Variants in MACROD2 observed in about 807,000 individuals in gnomAD.
MACROD2 encodes the protein ADP-ribose glycohydrolase MACROD2.
A neutral mutation model predicts 70.4 loss-of-function variants in MACROD2; 36 were observed. That is an observed-to-expected ratio of 0.51 (90% CI 0.39 to 0.68). The LOEUF (loss-of-function observed/expected upper bound fraction) is 0.68. Ranked by LOEUF, MACROD2 falls within the 30% of genes least tolerant of loss-of-function variation. The pLI, the probability that MACROD2 is intolerant of heterozygous loss-of-function variation, is 0.00. For synonymous variants in MACROD2, 172 were observed against 178.8 expected (o/e 0.96, Z 0.30); for missense variants, 496 against 538.4 (o/e 0.92, Z 0.78).
intron 3 of MACROD2, among the ~76,000 whole-genome samples, chr20:14,193,862 CA>C (rs1214117753): frequency 6.6e-6 from 1 of 151,870 alleles, no homozygotes; most frequent in Non-Finnish European, 1.5e-5. Flanking sequence ...TAGTTGAGGC[CA>C]AATGGAAAAT....
intron 6 of MACROD2, among the ~76,000 whole-genome samples, chr20:15,276,418 A>G (rs1038563684): frequency 9.2e-5 from 14 of 152,032 alleles, no homozygotes; most frequent in Admixed American, 2.6e-4. Flanking sequence ...AAAAAAATAA[A>G]AAAATCTCAT....
intron 8 of MACROD2, among the ~76,000 whole-genome samples, chr20:15,678,339 C>T (rs1360274859): frequency 6.6e-6 from 1 of 151,326 alleles, no homozygotes; most frequent in Non-Finnish European, 1.5e-5. Flanking sequence ...GCACTCCAGC[C>T]TGGACAACAG....
intron 5 of MACROD2, among the ~76,000 whole-genome samples, chr20:14,998,442 C>T (rs2074968064): frequency 6.6e-6 from 1 of 152,016 alleles, no homozygotes; most frequent in Non-Finnish European, 1.5e-5. Flanking sequence ...TTTTGAAAAT[C>T]AAGTAGAAAT....
chr20:15,643,022 G>A (rs1461231249), intron 8 of MACROD2, among the ~76,000 whole-genome samples: 1 of 152,176 alleles, frequency 6.6e-6, no homozygotes, highest in Non-Finnish European at 1.5e-5. Flanking sequence ...CTTTGCTTTA[G>A]CTGGAAAACA....
At chr20:14,525,722 T>C (rs1372076911) in intron 4 of MACROD2, among the ~76,000 whole-genome samples, 1 of 152,226 alleles carries the variant, frequency 6.6e-6, no homozygotes, top group African/African-American at 2.4e-5. Flanking sequence ...CAATGCCATT[T>C]AGGTATGTTA....
intron 8 of MACROD2, among the ~76,000 whole-genome samples, chr20:15,846,186 A>G (rs1001451716): frequency 2.0e-5 from 3 of 152,248 alleles, no homozygotes; most frequent in African/African-American, 7.2e-5. Context: ...GTTGAAGGAA[A>G]CTTTGCAATT....
chr20:15,739,560 G>A (rs925763682), intron 8 of MACROD2, among the ~76,000 whole-genome samples: 1 of 152,080 alleles, frequency 6.6e-6, no homozygotes, highest in African/African-American at 2.4e-5. Flanking sequence ...TATTAGATAA[G>A]TTAGGAGCAC....
chr20:14,499,465 T>C (rs1280363586), intron 4 of MACROD2, among the ~76,000 whole-genome samples: 1 of 151,840 alleles, frequency 6.6e-6, no homozygotes, highest in Non-Finnish European at 1.5e-5. Context: ...CTCTGGACGT[T>C]GAGGCTGCAG....
At chr20:14,153,163 G>C (rs2055048991) in intron 3 of MACROD2, among the ~76,000 whole-genome samples, 1 of 152,130 alleles carries the variant, frequency 6.6e-6, no homozygotes, top group Non-Finnish European at 1.5e-5. Context: ...TGTTTGAGAA[G>C]AAAGTTCTAA....
intron 8 of MACROD2, among the ~76,000 whole-genome samples, chr20:15,639,290 A>G (rs1435243112): frequency 4.6e-5 from 7 of 152,236 alleles, no homozygotes; most frequent in Non-Finnish European, 7.3e-5. Context: ...AGGGAGGGTT[A>G]GAGACAGATT....
intron 6 of MACROD2, among the ~76,000 whole-genome samples, chr20:15,362,923 TGAGAG>T (rs903538903): frequency 2.4e-5 from 3 of 126,284 alleles, no homozygotes; most frequent in Non-Finnish European, 3.2e-5. Flanking sequence ...GGAAAGGAAA[TGAGAG>T]AAGAGAAGAG....
intron 3 of MACROD2, among the ~76,000 whole-genome samples, chr20:14,221,452 T>A (rs2081673379): frequency 6.6e-6 from 1 of 152,106 alleles, no homozygotes. Context: ...TGAAACTGGA[T>A]CCCTATCTCT....
chr20:14,232,412 A>G (rs796252063), intron 3 of MACROD2, among the ~76,000 whole-genome samples: 17 of 152,344 alleles, frequency 1.1e-4, no homozygotes, highest in African/African-American at 4.1e-4. Context: ...TGTTTTGCCT[A>G]CACAGGAAAT....
chr20:14,468,720 C>T (rs1050193605), intron 3 of MACROD2, among the ~76,000 whole-genome samples: 2 of 152,054 alleles, frequency 1.3e-5, no homozygotes, highest in African/African-American at 2.4e-5. Flanking sequence ...TCATGTTGAC[C>T]AGGCTGGTCT....
intron 5 of MACROD2, among the ~76,000 whole-genome samples, chr20:15,139,595 T>C (rs886274692): frequency 3.3e-5 from 5 of 152,146 alleles, no homozygotes; most frequent in African/African-American, 1.2e-4. Flanking sequence ...AATTTTGTTT[T>C]CATTTTTTGG....
At chr20:15,803,265 A>G (rs1397345200) in intron 8 of MACROD2, among the ~76,000 whole-genome samples, 1 of 152,112 alleles carries the variant, frequency 6.6e-6, no homozygotes, top group Non-Finnish European at 1.5e-5. Flanking sequence ...TTAATAAAAC[A>G]TCAGCAGAGT....
At chr20:15,101,372 C>T (rs1423687435) in intron 5 of MACROD2, among the ~76,000 whole-genome samples, 1 of 151,694 alleles carries the variant, frequency 6.6e-6, no homozygotes, top group Non-Finnish European at 1.5e-5. Context: ...ATCTGCAGAT[C>T]CTTCTATTTT....
At chr20:14,719,595 A>G (rs1476162230) in intron 5 of MACROD2, among the ~76,000 whole-genome samples, 1 of 152,190 alleles carries the variant, frequency 6.6e-6, no homozygotes, top group East Asian at 1.9e-4. Context: ...CTCATTCTTT[A>G]AAGAATATTG....
At chr20:15,633,849 G>C (rs1600694426) in intron 8 of MACROD2, among the ~76,000 whole-genome samples, 1 of 152,068 alleles carries the variant, frequency 6.6e-6, no homozygotes, top group East Asian at 1.9e-4. Flanking sequence ...CTCTGTAAAT[G>C]GTTTTGTATG....
Sources: gnomAD v4.1 joint callset for allele counts (sites outside exome capture counted in the v4.1 genomes callset) on GRCh38, gnomAD v4.1.1 for gene constraint, MANE v1.5 for transcripts, NCBI Gene and HGNC (gene_info 2026-07-23, HGNC 2026-07-21) for gene names.